The following LARP4B variants were observed in gnomAD, a reference collection of about 807,000 sequenced individuals.
LARP4B encodes La ribonucleoprotein 4B.
A neutral mutation model predicts 89.8 loss-of-function variants in LARP4B; 12 were observed. That is an observed-to-expected ratio of 0.13 (90% CI 0.09 to 0.22). The LOEUF (loss-of-function observed/expected upper bound fraction) is 0.22, where lower values mean the gene tolerates loss of function less well. LARP4B is among the 10% of genes least tolerant of loss of function. LARP4B has a pLI of 1.00. For synonymous variants in LARP4B, 367 were observed against 363.3 expected (o/e 1.01, Z -0.12); for missense variants, 757 against 947.7 (o/e 0.80, Z 2.64).
At chr10:894,461 A>T (rs2131965373) in intron 1 of LARP4B, among the ~76,000 whole-genome samples, 1 of 152,372 alleles carries the variant, frequency 6.6e-6, no homozygotes, top group Admixed American at 6.5e-5. Context: ...CTTAACCAAA[A>T]TAATCCAATG....
intron 1 of LARP4B, among the ~76,000 whole-genome samples, chr10:911,049 T>C (rs912770222): frequency 1.3e-5 from 2 of 152,232 alleles, no homozygotes; most frequent in Admixed American, 6.5e-5. Flanking sequence ...GAGCAGTCTT[T>C]GTGGAAACAT....
chr10:942,815 C>T, the LARP4B span: 1 of 152,314 alleles, frequency 6.6e-6, no homozygotes, highest in East Asian at 1.9e-4. Context: ...AGCCAGCTGA[C>T]ATATCTTAGG....
At position 876,580 on chromosome 10, in the gene LARP4B, C is replaced by G. The variant is rs146747102; in HGVS notation, c.141+7867G>C. 3.0e-3 allele frequency among the ~76,000 whole-genome samples: 456 copies of G among 152,266 alleles called. 2 individuals are homozygous for G. Among genetic ancestry groups the G allele is most frequent in the African/African-American group, 0.01 (418 of 41,536 alleles). On this transcript the variant is annotated intron_variant, in intron 3 of 17. Transcript: ENST00000316157. ...AGGGTTGGCTCCCCAGGGCCTCAAG[C>G]AGCCCCACCCGATGGCTTTGCTGGG...
At chr10:987,109 G>A in the LARP4B span, 1 of 150,470 alleles carries the variant, frequency 6.6e-6, no homozygotes. Flanking sequence ...AGGGCAATAA[G>A]TATGAGCATA....
At chr10:953,907 G>A in the LARP4B span, among the ~76,000 whole-genome samples, 1 of 152,230 alleles carries the variant, frequency 6.6e-6, no homozygotes, top group Non-Finnish European at 1.5e-5. Flanking sequence ...GAATCCCTGA[G>A]CAAGCTCCAA....
chr10:844,417 C>T (rs1156293836), intron 6 of LARP4B, among the ~76,000 whole-genome samples: 2 of 152,200 alleles, frequency 1.3e-5, no homozygotes, highest in African/African-American at 4.8e-5. Flanking sequence ...TGTGTGGAAT[C>T]CTCAGGGCTC....
At chr10:918,547 C>T (rs927872098) in intron 1 of LARP4B, among the ~76,000 whole-genome samples, 3 of 147,506 alleles carry the variant, frequency 2.0e-5, no homozygotes, top group African/African-American at 7.5e-5. Context: ...GGAGGGAGGA[C>T]CGCTTGAGAC....
In LARP4B at chr10:811,366, C is replaced by T. The variant is rs1182479826; in HGVS notation, c.*1560G>A. 4 of 152,574 alleles carry T rather than the reference C, an allele frequency of 2.6e-5. No individual in the cohort carries two copies. Among genetic ancestry groups the T allele is most frequent in the Admixed American group, 6.5e-5 (1 of 15,274 alleles). 9.5% of individuals were successfully genotyped at this position (152,574 alleles called of 1,614,324 possible). ...ACAAGCGAAGCACACTCCAAGTGCA[C>T]GTATTTAATACAGTATTGACTATTT... On this transcript the variant is annotated 3_prime_UTR_variant, in exon 18 of 18. Coordinates refer to ENST00000316157, the MANE Select transcript of LARP4B (RefSeq NM_015155.3).
intron 13 of LARP4B, among the ~76,000 whole-genome samples, chr10:821,352 AC>A (rs1832341917): frequency 6.6e-6 from 1 of 152,004 alleles, no homozygotes; most frequent in African/African-American, 2.4e-5. Context: ...TCCCACGAAA[AC>A]CACACAAGGA....
intron 5 of LARP4B, among the ~76,000 whole-genome samples, chr10:855,692 C>A (rs1275223303): frequency 2.0e-5 from 3 of 152,142 alleles, no homozygotes; most frequent in African/African-American, 7.2e-5. Context: ...AAATGTGACA[C>A]AGAGACATGA....
At chr10:877,942 C>T (rs570836433) in intron 3 of LARP4B, among the ~76,000 whole-genome samples, 7 of 152,166 alleles carry the variant, frequency 4.6e-5, no homozygotes, top group Non-Finnish European at 8.8e-5. Flanking sequence ...GGGTCTGAGG[C>T]AAGCCAGAAG....
chr10:814,926 G>A lies in LARP4B; in HGVS notation c.1820+20C>T. On this transcript the variant is annotated intron_variant, in intron 16 of 17. Coordinates refer to ENST00000316157, the MANE Select transcript of LARP4B (RefSeq NM_015155.3). The surrounding 1 kb of genome is among the most constrained non-coding windows in gnomAD (Gnocchi z 4.4). ...TCAAGTCAGTCAACACCAAGGCGCT[G>A]GAAGAACACCAATACTCACTCGGGT... 1 of 1,579,072 alleles carries A rather than the reference G, an allele frequency of 6.3e-7. No homozygotes were observed. Among genetic ancestry groups the A allele is most frequent in the Non-Finnish European group, 8.6e-7 (1 of 1,158,062 alleles).
intron 3 of LARP4B, among the ~76,000 whole-genome samples, chr10:872,461 G>A (rs1311855015): frequency 2.6e-5 from 4 of 152,128 alleles, no homozygotes; most frequent in Admixed American, 6.5e-5. Context: ...AGGCAGAGTC[G>A]GCAACACAAA....
chr10:901,037 A>G (rs1246375620), intron 1 of LARP4B, among the ~76,000 whole-genome samples: 2 of 149,988 alleles, frequency 1.3e-5, no homozygotes, highest in Non-Finnish European at 2.9e-5. Context: ...CTCCTGCTTC[A>G]GCCTCATGAG....
chr10:981,633 CGATCTCGGCTCACCGCAACCT>C, the LARP4B span, among the ~76,000 whole-genome samples: 3 of 151,990 alleles, frequency 2.0e-5, no homozygotes, highest in African/African-American at 7.3e-5. Context: ...TGCAGTGGTA[CGATCTCGGCTCACCGCAACCT>C]CTGCTACCCA....
rs1034349069 is a variant in LARP4B, at chr10:826,415, A to G, written c.1126-545T>C. Among the ~76,000 whole-genome samples the G allele has an allele frequency of 5.9e-5, 9 of 152,356 alleles. 1 individual carries two copies. The South Asian group carries it at 1.9e-3, about 32-fold the overall frequency. On this transcript the variant is annotated intron_variant, in intron 11 of 17. Transcript: ENST00000316157. ...TCATTATTCCCCAAGTCACAAGGTAAGTATGGCATGCAAATATACTAACAT... is the reference window on the plus strand; with the variant it reads ...TCATTATTCCCCAAGTCACAAGGTAGGTATGGCATGCAAATATACTAACAT...
rs536533811 is a variant in LARP4B at position 814,895 on chromosome 10, G to C, written c.1821-45C>G. ...TATTTGAATCTCATGCAACATCACAGGCCATTCAAGTCAGTCAACACCAAG... is the reference window on the plus strand; with the variant it reads ...TATTTGAATCTCATGCAACATCACACGCCATTCAAGTCAGTCAACACCAAG... On this transcript the variant is annotated intron_variant, in intron 16 of 17. Coordinates refer to ENST00000316157, the MANE Select transcript of LARP4B (RefSeq NM_015155.3). This position sits in a 1 kb window ranked among gnomAD's most constrained non-coding sequence, Gnocchi z 4.4. 6.3e-7 allele frequency: 1 copy of C among 1,579,096 alleles called. No homozygotes were observed. The highest frequency in any genetic ancestry group is 1.3e-5 in the African/African-American group (1 of 74,294).
Position 825,054 on chromosome 10 carries a change from C to A in LARP4B, c.1484+11G>T. The A allele has an allele frequency of 1.9e-6, 3 of 1,611,640 alleles. No individual in the cohort carries two copies. The highest frequency in any genetic ancestry group is 1.1e-5 in the South Asian group (1 of 90,912). ...TTTATGATGTTACACAGTAACTGCT[C>A]AACAACTCACCTTCCCCTCCCTAAA... On this transcript the variant is annotated intron_variant, in intron 13 of 17. Transcript: ENST00000316157.
At chr10:948,869 G>A in the LARP4B span, among the ~76,000 whole-genome samples, 5 of 152,204 alleles carry the variant, frequency 3.3e-5, no homozygotes, top group African/African-American at 1.2e-4. Flanking sequence ...TCCATAGTGT[G>A]GGTTATGTCG....
Sources: gnomAD v4.1 joint callset for allele counts (sites outside exome capture counted in the v4.1 genomes callset) on GRCh38, gnomAD v4.1.1 for gene constraint, Gnocchi (gnomAD v3.1) non-coding constraint, MANE v1.5 for transcripts, NCBI Gene and HGNC (gene_info 2026-07-23, HGNC 2026-07-21) for gene names.